Variants in ZNF480 observed in about 807,000 individuals in gnomAD.
The protein encoded by ZNF480 is zinc finger protein 480.
In ZNF480, 15 loss-of-function variants were observed where a neutral mutation model predicts 14.4. That is an observed-to-expected ratio of 1.04 (90% CI 0.70 to 1.60). The LOEUF is 1.60. Ranked by LOEUF, ZNF480 falls within the 40% of genes most tolerant of loss-of-function variation. The pLI is 0.00. For missense variants in ZNF480, 593 were observed against 629.7 expected, an observed-to-expected ratio of 0.94 and a Z score of 0.62; for synonymous variants, 218 against 215.5, an observed-to-expected ratio of 1.01 and a Z score of -0.10.
intron 1 of ZNF480, among the ~76,000 whole-genome samples, chr19:52,300,160 C>T (rs961101118): frequency 1.3e-5 from 2 of 152,226 alleles, no homozygotes; most frequent in South Asian, 2.1e-4. Context: ...GCCAGCTCCC[C>T]ACTGCTGCAG....
intron 2 of ZNF480, among the ~76,000 whole-genome samples, chr19:52,312,151 T>A (rs947821428): frequency 3.4e-5 from 1 of 29,722 alleles, no homozygotes; most frequent in Non-Finnish European, 1.0e-4. Flanking sequence ...CATATATAAT[T>A]TTTTTTTTTT....
chr19:52,300,647 CCT>C, intron 2 of ZNF480, 163 bp downstream of exon 2: 1 of 1,230,488 alleles, frequency 8.1e-7, no homozygotes, highest in African/African-American at 1.5e-5. Context: ...TCGTGGGGAC[CCT>C]AACCTAGTGG....
chr19:52,300,292 G>C (rs902693212), intron 1 of ZNF480, 102 bp from the exon 2 acceptor site: 7 of 1,244,134 alleles, frequency 5.6e-6, no homozygotes, highest in Non-Finnish European at 7.9e-6. Flanking sequence ...GGCAGCAGAG[G>C]ACATCTTTCC....
At chr19:52,314,473 C>CAA (rs34349660) in intron 3 of ZNF480, among the ~76,000 whole-genome samples, 194 bp downstream of exon 3, 2,036 of 66,036 alleles carry the variant, frequency 0.031, 2 homozygotes, top group African/African-American at 0.055. Flanking sequence ...AACTCCGTCC[C>CAA]AAAAAAAAAA....
chr19:52,310,879 C>G (rs892173590), intron 2 of ZNF480, among the ~76,000 whole-genome samples: 7 of 151,398 alleles, frequency 4.6e-5, no homozygotes, highest in African/African-American at 1.5e-4. Context: ...GTGGCGGGCA[C>G]CTGTAGTCCC....
chr19:52,300,055 A>G (rs1365714245), intron 1 of ZNF480, among the ~76,000 whole-genome samples: 1 of 152,190 alleles, frequency 6.6e-6, no homozygotes, highest in Non-Finnish European at 1.5e-5. Flanking sequence ...GAGGGATTAC[A>G]TGAGCCTGGG....
intron 2 of ZNF480, chr19:52,313,698 C>A: frequency 4.5e-6 from 1 of 222,862 alleles, no homozygotes; most frequent in Non-Finnish European, 9.4e-6. Flanking sequence ...TATAATAAAA[C>A]ACAATTCACA....
In ZNF480 at chr19:52,325,492, C is replaced by T. The variant is rs554505191; in HGVS notation, c.*2634C>T. On this transcript the variant is annotated 3_prime_UTR_variant, in exon 5 of 5. Transcript: ENST00000595962. Reference sequence around the variant, plus strand: ...TGTATGTTCATTGCAGCACTATTCTCAATAGCAAAGATGTGGAATCAACGT... The same window carrying T: ...TGTATGTTCATTGCAGCACTATTCTTAATAGCAAAGATGTGGAATCAACGT... 1 of 152,276 alleles carries T rather than the reference C, an allele frequency of 6.6e-6. No homozygotes were observed. The highest frequency in any genetic ancestry group is 1.5e-5 in the Non-Finnish European group (1 of 68,028). 9.4% of individuals were successfully genotyped at this position (152,276 alleles called of 1,614,324 possible).
intron 4 of ZNF480, among the ~76,000 whole-genome samples, chr19:52,318,715 C>T (rs1983670327): frequency 6.6e-6 from 1 of 152,142 alleles, no homozygotes; most frequent in African/African-American, 2.4e-5. Context: ...GGTTCAGCCT[C>T]ATTCCTTTGC....
chr19:52,309,107 T>C (rs1053415336), intron 2 of ZNF480, among the ~76,000 whole-genome samples: 1 of 152,214 alleles, frequency 6.6e-6, no homozygotes, highest in South Asian at 2.1e-4. Flanking sequence ...AGTAAAATTC[T>C]CAGTGATTGT....
chr19:52,302,373 T>C (rs369889477), intron 2 of ZNF480, among the ~76,000 whole-genome samples: 2 of 152,368 alleles, frequency 1.3e-5, no homozygotes, highest in East Asian at 3.9e-4. Context: ...TTTGTGTTTT[T>C]GTAATTGCTG....
chr19:52,315,051 C>T (rs1439394388), intron 3 of ZNF480, among the ~76,000 whole-genome samples: 1 of 152,120 alleles, frequency 6.6e-6, no homozygotes, highest in Middle Eastern at 3.2e-3. Context: ...CAGCCTCTGC[C>T]TCCCAGGCTT....
chr19:52,311,135 A>G (rs1169912596), intron 2 of ZNF480, among the ~76,000 whole-genome samples: 2 of 151,924 alleles, frequency 1.3e-5, no homozygotes, highest in Non-Finnish European at 2.9e-5. Flanking sequence ...TATATTGATA[A>G]ACCCCATTGG....
Position 52,322,081 on chromosome 19 carries a change from T to A in ZNF480, c.831T>A (p.His277Gln). 1 of 1,614,006 alleles carries A rather than the reference T, an allele frequency of 6.2e-7. No individual in the cohort carries two copies. The highest frequency in any genetic ancestry group is 1.1e-5 in the South Asian group (1 of 91,074). Residue 277 changes from histidine to glutamine, a missense_variant, in exon 5 of 5, where the codon CAT becomes CAA. By Grantham distance (24) the His-to-Gln change is conservative. Coordinates refer to ENST00000595962, the MANE Select transcript of ZNF480 (RefSeq NM_144684.4). ...GTTACAATTCAAACTTTGCACGACA[T>A]CAAAGAATTCATACCAGAGAGAAGC... ...VFSYNSNFAR[H>Q]QRIHTREKPY... is the part of the protein sequence containing the mutation.
chr19:52,320,289 A>G (rs1405262091), intron 4 of ZNF480, among the ~76,000 whole-genome samples: 1 of 151,632 alleles, frequency 6.6e-6, no homozygotes, highest in Non-Finnish European at 1.5e-5. Flanking sequence ...TGTTTTTCTG[A>G]TTTCATTTAG....
rs1568637754 is a variant in ZNF480, at chr19:52,322,840, G to C, written c.1590G>C (p.Trp530Cys). The change falls in exon 5 of 5, where the codon TGG (tryptophan) becomes TGC (cysteine). Residue 530 changes from tryptophan to cysteine, a missense_variant. Transcript: ENST00000595962. ...GCATTTCATACCTAGCACAACATTG[G>C]ACAATTCATATGGGATAGAAACTAC... The part of the protein sequence containing the change: ...FSRISYLAQH[W>C]TIHMG 1 of 1,589,832 alleles carries C rather than the reference G, an allele frequency of 6.3e-7. No individual in the cohort carries two copies.
intron 4 of ZNF480, among the ~76,000 whole-genome samples, chr19:52,318,657 G>A (rs1479371105): frequency 6.6e-6 from 1 of 152,040 alleles, no homozygotes; most frequent in African/African-American, 2.4e-5. Flanking sequence ...TATCGTTTTA[G>A]GTCATGAATA....
intron 3 of ZNF480, among the ~76,000 whole-genome samples, chr19:52,314,635 C>G (rs1983465578): frequency 1.3e-5 from 2 of 151,818 alleles, no homozygotes; most frequent in Non-Finnish European, 2.9e-5. Flanking sequence ...GAAACCCCAT[C>G]TCTACTAAAA....
At chr19:52,310,733 G>A (rs1983231679) in intron 2 of ZNF480, among the ~76,000 whole-genome samples, 2 of 151,910 alleles carry the variant, frequency 1.3e-5, no homozygotes, top group South Asian at 4.1e-4. Flanking sequence ...GGTCATGGTG[G>A]CTCATGCCTG....
Sources: gnomAD v4.1 joint callset for allele counts (sites outside exome capture counted in the v4.1 genomes callset) on GRCh38, gnomAD v4.1.1 for gene constraint, MANE v1.5 for transcripts, NCBI Gene and HGNC (gene_info 2026-07-23, HGNC 2026-07-21) for gene names.